SMAD6: variants seen among roughly 807,000 people sequenced by gnomAD.
The protein encoded by SMAD6 is MAD homolog 6.
In SMAD6, 103 loss-of-function variants were observed where a neutral mutation model predicts 39.4. The observed-to-expected ratio is 2.62, with a 90% confidence interval of 2.23 to 3.08. The LOEUF (loss-of-function observed/expected upper bound fraction) is 3.08. Among genes scored for constraint, SMAD6 ranks in the 30% most tolerant of loss-of-function variants. The pLI is 0.00. For missense variants in SMAD6, 1,104 were observed against 742.9 expected, an observed-to-expected ratio of 1.49 and a Z score of -5.65; for synonymous variants, 445 against 353.3, an observed-to-expected ratio of 1.26 and a Z score of -2.91.
Position 66,703,954 on chromosome 15 carries a change from G to T in SMAD6, c.696G>T (p.Trp232Cys). The stretch of plus-strand genomic sequence containing the variant: ...TGCTGCTCGGCCGCCTCTTTCGCTG[G>T]CCCGACCTGCAGCACGCCGTGGAGC... Reference protein sequence around the residue: ...PQLLLGRLFRWPDLQHAVELK... With the variant: ...PQLLLGRLFRCPDLQHAVELK... The change falls in exon 1 of 4, where the codon TGG (tryptophan) becomes TGT (cysteine). Residue 232 changes from tryptophan (W) to cysteine (C), a missense_variant. Transcript: ENST00000288840. 1 of 1,426,400 alleles carries T rather than the reference G, an allele frequency of 7.0e-7. No homozygotes were observed. The highest frequency in any genetic ancestry group is 9.2e-7 in the Non-Finnish European group (1 of 1,089,560). The allele number at this position is 1,426,400 out of a possible 1,614,324, so 88.4% of individuals were successfully genotyped here. A position where few individuals can be genotyped will look rare whatever the true frequency, so the allele number is the denominator to read the frequency against.
chr15:66,773,544 T>G (rs1049397502), intron 3 of SMAD6, among the ~76,000 whole-genome samples: 3 of 152,096 alleles, frequency 2.0e-5, no homozygotes, highest in African/African-American at 7.2e-5. Context: ...AAACTACTTA[T>G]CTAATGGGCA....
At chr15:66,746,555 A>G (rs1260293226) in intron 3 of SMAD6, among the ~76,000 whole-genome samples, 3 of 152,142 alleles carry the variant, frequency 2.0e-5, no homozygotes, top group Non-Finnish European at 4.4e-5. Context: ...GGATTTGTGC[A>G]TACCTGCTTA....
At chr15:66,718,374 T>C (rs761179831) in intron 3 of SMAD6, among the ~76,000 whole-genome samples, 21 of 152,116 alleles carry the variant, frequency 1.4e-4, no homozygotes, top group Non-Finnish European at 2.2e-4. Flanking sequence ...GTCTGAGATT[T>C]CCGACCGGAT....
At chr15:66,768,298 G>T (rs983938096) in intron 3 of SMAD6, among the ~76,000 whole-genome samples, 8 of 151,986 alleles carry the variant, frequency 5.3e-5, no homozygotes, top group South Asian at 2.1e-4. Context: ...ATCGAGGCAG[G>T]TATATTTGAT....
intron 3 of SMAD6, among the ~76,000 whole-genome samples, chr15:66,725,054 G>T (rs376371343): frequency 3.3e-5 from 5 of 152,318 alleles, no homozygotes; most frequent in Admixed American, 1.3e-4. Context: ...TTCCCTGGGC[G>T]TCTGTAACAA....
chr15:66,738,985 C>T (rs1476364612), intron 3 of SMAD6, among the ~76,000 whole-genome samples: 1 of 152,120 alleles, frequency 6.6e-6, no homozygotes, highest in African/African-American at 2.4e-5. Context: ...TGCTGTCCTG[C>T]AGCCTTTTGG....
At chr15:66,746,854 T>A (rs1339261485) in intron 3 of SMAD6, among the ~76,000 whole-genome samples, 2 of 152,146 alleles carry the variant, frequency 1.3e-5, no homozygotes, top group African/African-American at 4.8e-5. Flanking sequence ...CCAGCAAGTC[T>A]CCCAGCTTCA....
chr15:66,774,199 C>A (rs1475255920), intron 3 of SMAD6, among the ~76,000 whole-genome samples: 1 of 152,214 alleles, frequency 6.6e-6, no homozygotes, highest in Non-Finnish European at 1.5e-5. Context: ...GCAGTTTATG[C>A]TCAGGCTCTT....
In SMAD6 at chr15:66,729,004, A is replaced by G. The variant is rs1595774293; in HGVS notation, c.952+12506A>G. On this transcript the variant is annotated intron_variant, in intron 3 of 3. Coordinates refer to ENST00000288840, the MANE Select transcript of SMAD6 (RefSeq NM_005585.5). ...AGATACTGTGCCAGACTGTTTTCCA[A>G]GACCACAGCGTTTTAGTCAGAAGCC... Among the ~76,000 whole-genome samples, 3 of 152,344 alleles carry G rather than the reference A, an allele frequency of 2.0e-5. No homozygotes were observed. In the South Asian group the frequency reaches 6.2e-4, roughly 32 times the overall value.
chr15:66,721,885 T>C (rs775983354), intron 3 of SMAD6, among the ~76,000 whole-genome samples: 5 of 152,098 alleles, frequency 3.3e-5, no homozygotes, highest in Non-Finnish European at 7.4e-5. Flanking sequence ...CTTGGCGTGG[T>C]AGGGAGGTAG....
chr15:66,781,823 C>A lies in SMAD6; in HGVS notation c.*288C>A. On this transcript the variant is annotated 3_prime_UTR_variant, in exon 4 of 4. Transcript: ENST00000288840. The stretch of plus-strand genomic sequence containing the variant: ...AATTCTTTCAATACAGATATATTTT[C>A]TTTCTCTTCCTCCTTCCTCTTCCTT... The A allele has an allele frequency of 2.5e-6, 1 of 398,776 alleles. No homozygotes were observed. The highest frequency in any genetic ancestry group is 4.4e-6 in the Non-Finnish European group (1 of 226,062). The allele number at this position is 398,776 out of a possible 1,614,324, so 24.7% of individuals were successfully genotyped here.
intron 3 of SMAD6, among the ~76,000 whole-genome samples, chr15:66,752,803 T>A (rs1183640587): frequency 2.0e-5 from 3 of 147,884 alleles, no homozygotes; most frequent in African/African-American, 7.9e-5. Flanking sequence ...TTTAAAAAAA[T>A]AATAATAAAA....
chr15:66,735,588 G>C (rs1203756771), intron 3 of SMAD6, among the ~76,000 whole-genome samples: 1 of 152,160 alleles, frequency 6.6e-6, no homozygotes, highest in Non-Finnish European at 1.5e-5. Context: ...AAGTTTATTG[G>C]GGGGCGTGTT....
At chr15:66,708,389 C>T (rs981474356) in intron 1 of SMAD6, 3 of 192,542 alleles carry the variant, frequency 1.6e-5, no homozygotes, top group Non-Finnish European at 3.3e-5. Context: ...ACCTTGCCCA[C>T]CTGAGGTAAT....
intron 3 of SMAD6, among the ~76,000 whole-genome samples, chr15:66,751,918 A>G (rs915531843): frequency 5.3e-5 from 8 of 152,128 alleles, no homozygotes; most frequent in African/African-American, 1.9e-4. Context: ...CCAGAATTGG[A>G]GTCGGGCCTT....
chr15:66,756,966 A>G (rs984088616), intron 3 of SMAD6, among the ~76,000 whole-genome samples: 6 of 152,066 alleles, frequency 3.9e-5, no homozygotes, highest in Non-Finnish European at 5.9e-5. Context: ...CCTCATGTCT[A>G]CCTGAGACGG....
intron 3 of SMAD6, among the ~76,000 whole-genome samples, chr15:66,761,263 G>A (rs1010301589): frequency 1.6e-4 from 25 of 152,218 alleles, no homozygotes; most frequent in Non-Finnish European, 2.6e-4. Context: ...TAGCAGCCCC[G>A]TACAATGGAA....
Position 66,711,711 on chromosome 15 carries a change from G to T in SMAD6, c.861G>T (p.Glu287Asp). ...PPYSRLSPRDEYKPLDLSDST... is the reference protein window; with the variant it reads ...PPYSRLSPRDDYKPLDLSDST... ...ACTCTCGGCTGTCTCCTCGCGACGA[G>T]TACAAGCCACTGGGTAAGTGTGCCC... The change falls in exon 2 of 4, where the codon GAG becomes GAT. Residue 287 changes from glutamate (E) to aspartate (D), a missense_variant. Physicochemically the swap from Glu to Asp is conservative, Grantham distance 45 (BLOSUM62 2). Coordinates refer to ENST00000288840, the MANE Select transcript of SMAD6 (RefSeq NM_005585.5). 1 of 1,613,330 alleles carries T rather than the reference G, an allele frequency of 6.2e-7. No individual in the cohort carries two copies. Among genetic ancestry groups the T allele is most frequent in the Non-Finnish European group, 8.5e-7 (1 of 1,179,818 alleles).
chr15:66,731,424 C>A (rs1283718276), intron 3 of SMAD6, among the ~76,000 whole-genome samples: 1 of 124,018 alleles, frequency 8.1e-6, no homozygotes, highest in East Asian at 2.4e-4. Flanking sequence ...GGCAACAGAG[C>A]GAGACTCCGT....
Sources: gnomAD v4.1 joint callset for allele counts (sites outside exome capture counted in the v4.1 genomes callset) on GRCh38, gnomAD v4.1.1 for gene constraint, MANE v1.5 for transcripts, NCBI Gene and HGNC (gene_info 2026-07-23, HGNC 2026-07-21) for gene names.